The following DLC1 variants were observed in gnomAD, a reference collection of about 807,000 sequenced individuals.
DLC1 encodes rho GTPase-activating protein 7.
DLC1 carries 54 observed loss-of-function variants against 140.3 expected under a neutral mutation model. The observed-to-expected ratio is 0.38, with a 90% CI of 0.31 to 0.48. The LOEUF (loss-of-function observed/expected upper bound fraction) is 0.48. Among genes scored for constraint, DLC1 ranks in the 20% least tolerant of loss-of-function variants. The pLI is 0.96. For synonymous variants in DLC1, 986 were observed against 728.1 expected (o/e 1.35, Z -5.70); for missense variants, 2,536 against 1,907.0 (o/e 1.33, Z -6.14).
At chr8:13,095,933 G>C (rs1215155892) in intron 10 of DLC1, 1 of 152,156 alleles carries the variant, frequency 6.6e-6, no homozygotes, top group Non-Finnish European at 1.5e-5. Flanking sequence ...TACATCTTTA[G>C]GTTTCTAAAG....
At chr8:13,489,708 C>A (rs909824223) in intron 2 of DLC1, among the ~76,000 whole-genome samples, 4 of 152,112 alleles carry the variant, frequency 2.6e-5, no homozygotes, top group African/African-American at 9.7e-5. Flanking sequence ...TTAGTTTGTT[C>A]TAGGCATAGT....
At chr8:13,501,387 C>A (rs1801810683) in intron 1 of DLC1, among the ~76,000 whole-genome samples, 1 of 152,146 alleles carries the variant, frequency 6.6e-6, no homozygotes, top group Non-Finnish European at 1.5e-5. Context: ...TTTTGCCCCA[C>A]AATGAAACTA....
intron 1 of DLC1, among the ~76,000 whole-genome samples, chr8:13,580,498 C>A (rs1805056914): frequency 6.6e-6 from 1 of 152,094 alleles, no homozygotes; most frequent in South Asian, 2.1e-4. Flanking sequence ...GGGGCACAGA[C>A]AGTTAGCAGG....
chr8:13,419,144 A>C (rs1326225654), intron 2 of DLC1, among the ~76,000 whole-genome samples: 2 of 152,182 alleles, frequency 1.3e-5, no homozygotes. Flanking sequence ...TAGATATACA[A>C]TCATGTGGTC....
intron 2 of DLC1, among the ~76,000 whole-genome samples, chr8:13,423,480 G>C (rs1029822668): frequency 3.9e-5 from 6 of 152,012 alleles, no homozygotes; most frequent in African/African-American, 1.4e-4. Flanking sequence ...TCATCTCTCT[G>C]TTATTTGTGG....
rs147955079 is a variant in DLC1 at position 13,099,595 on chromosome 8, C to T, written c.2742G>A (p.Lys914=). Residue 914 remains lysine (K), a synonymous_variant, in exon 9 of 18, where the codon AAG becomes AAA. Transcript: ENST00000276297. ...PELDDILYHV[K]GMQRIVNQWS... ...ACTGATTGACTATCCGCTGCATCCC[C>T]TTCACGTGGTAGAGGATGTCGTCCA... 9.3e-6 allele frequency: 15 copies of T among 1,614,098 alleles called. No homozygotes were observed. In the African/African-American group the frequency reaches 2.0e-4, roughly 22 times the overall value.
intron 2 of DLC1, among the ~76,000 whole-genome samples, chr8:13,463,207 C>G (rs532815952): frequency 6.6e-6 from 1 of 151,890 alleles, no homozygotes; most frequent in Non-Finnish European, 1.5e-5. Flanking sequence ...CTAGGTGTGA[C>G]TGAATATCTG....
chr8:13,100,586 T>A lies in DLC1; in HGVS notation c.1751A>T (p.Asp584Val). The change falls in exon 9 of 18, where the codon GAC becomes GTC. Residue 584 changes from aspartate to valine, a missense_variant. Physicochemically the swap from Asp to Val is radical, Grantham distance 152. Transcript: ENST00000276297. Reference sequence around the variant, plus strand: ...AGACACCTCCTGGCGCTCGCTGAGGTCCATCAGCGTGCCTCCGGGGCTGGG... The same window carrying A: ...AGACACCTCCTGGCGCTCGCTGAGGACCATCAGCGTGCCTCCGGGGCTGGG... The part of the protein sequence containing the change: ...DGPSPGGTLM[D>V]LSERQEVSSV... The A allele has an allele frequency of 6.2e-7, 1 of 1,613,788 alleles. No individual in the cohort carries two copies.
intron 2 of DLC1, among the ~76,000 whole-genome samples, chr8:13,414,641 T>G (rs553864681): frequency 8.5e-5 from 13 of 152,172 alleles, no homozygotes; most frequent in Non-Finnish European, 1.5e-4. Flanking sequence ...GGACTCTATA[T>G]GGAAAAGATA....
Position 13,197,654 on chromosome 8 carries a change from T to G in DLC1, c.1349-81997A>C, listed in dbSNP as rs562259666. ...AGCCAGCGTGCCAGGCCGATTTATT[T>G]TTTTTTAAAAGAGTAAAAATTATTG... On this transcript the variant is annotated intron_variant, in intron 5 of 17. Coordinates refer to ENST00000276297, the MANE Select transcript of DLC1 (RefSeq NM_182643.3). 2.0e-5 allele frequency among the ~76,000 whole-genome samples: 3 copies of G among 152,248 alleles called. No homozygotes were observed. In the South Asian group the frequency reaches 6.2e-4, roughly 32 times the overall value.
intron 2 of DLC1, among the ~76,000 whole-genome samples, chr8:13,456,219 C>G (rs1176397358): frequency 6.6e-6 from 1 of 152,156 alleles, no homozygotes; most frequent in Non-Finnish European, 1.5e-5. Context: ...TAGATGGTTA[C>G]TGAATGTTGC....
At chr8:13,304,810 T>A in intron 5 of DLC1, 1 of 969,084 alleles carries the variant, frequency 1.0e-6, no homozygotes, top group African/African-American at 1.8e-5. Flanking sequence ...ATACTATAAT[T>A]TTTTTCTTCA....
At chr8:13,432,589 G>A (rs1838928997) in intron 2 of DLC1, among the ~76,000 whole-genome samples, 1 of 152,114 alleles carries the variant, frequency 6.6e-6, no homozygotes, top group South Asian at 2.1e-4. Flanking sequence ...GTTGATTTTT[G>A]CTTTACACCC....
intron 1 of DLC1, among the ~76,000 whole-genome samples, chr8:13,564,592 A>G (rs1015456366): frequency 1.3e-5 from 2 of 152,182 alleles, no homozygotes; most frequent in African/African-American, 4.8e-5. Context: ...AACGTTTATG[A>G]TATCTGGGGG....
chr8:13,189,586 A>C (rs1216136848), intron 5 of DLC1, among the ~76,000 whole-genome samples: 1 of 152,112 alleles, frequency 6.6e-6, no homozygotes, highest in Non-Finnish European at 1.5e-5. Context: ...GCACGGAGAG[A>C]AAAGAAGGCA....
intron 5 of DLC1, among the ~76,000 whole-genome samples, chr8:13,154,128 A>C (rs1824057810): frequency 6.6e-6 from 1 of 152,166 alleles, no homozygotes; most frequent in Admixed American, 6.5e-5. Context: ...TTAGCTAGAC[A>C]TAAAGGTTCT....
At chr8:13,515,888 G>A (rs192226506), upstream of DLC1, among the ~76,000 whole-genome samples, 2 of 152,304 alleles carry the variant, frequency 1.3e-5, no homozygotes, top group Admixed American at 6.5e-5. Context: ...CACAGAGGAA[G>A]CTGAAGTCGT....
At chr8:13,585,318 C>T (rs1805262288) in intron 1 of DLC1, among the ~76,000 whole-genome samples, 1 of 152,038 alleles carries the variant, frequency 6.6e-6, no homozygotes, top group East Asian at 1.9e-4. Context: ...AATCCCAGCA[C>T]TTTGAGAGGC....
At chr8:13,087,732 G>C (rs911177392) in intron 16 of DLC1, among the ~76,000 whole-genome samples, 4 of 152,166 alleles carry the variant, frequency 2.6e-5, no homozygotes, top group African/African-American at 9.7e-5. Flanking sequence ...TGTTTGAAAA[G>C]GTCTGGACTT....
Sources: gnomAD v4.1 joint callset for allele counts (sites outside exome capture counted in the v4.1 genomes callset) on GRCh38, gnomAD v4.1.1 for gene constraint, MANE v1.5 for transcripts, NCBI Gene and HGNC (gene_info 2026-07-23, HGNC 2026-07-21) for gene names.